Variants in MARVELD3 observed in about 807,000 individuals in gnomAD.
MARVELD3 encodes the protein MARVEL domain containing 3.
MARVELD3 carries 28 observed loss-of-function variants against 33.5 expected under a neutral mutation model. That is an observed-to-expected ratio of 0.84 (90% confidence interval 0.62 to 1.15). The LOEUF is 1.15. Ranked by LOEUF, MARVELD3 falls within the 50% of genes most tolerant of loss-of-function variation. The pLI is 0.00. For synonymous variants in MARVELD3, 241 were observed against 230.4 expected, an observed-to-expected ratio of 1.05 and a Z score of -0.42; for missense variants, 582 against 547.6, an observed-to-expected ratio of 1.06 and a Z score of -0.63.
In MARVELD3 at chr16:71,634,686, T is replaced by C; in HGVS notation, c.1089T>C (p.Ala363=). 6.2e-7 allele frequency: 1 copy of C among 1,614,224 alleles called. No homozygotes were observed. Among genetic ancestry groups the C allele is most frequent in the Non-Finnish European group, 8.5e-7 (1 of 1,180,042 alleles). Residue 363 remains alanine, a synonymous_variant, in exon 3 of 3, where the codon GCT becomes GCC. Transcript: ENST00000268485. Reference sequence around the variant, plus strand: ...GTTTCCACGGAGCAGATATAGGAGCTGGAATCTTTGCTGCCCTGGGCATTG... The same window carrying C: ...GTTTCCACGGAGCAGATATAGGAGCCGGAATCTTTGCTGCCCTGGGCATTG... ...GCSFHGADIG[A]GIFAALGIVV... is the part of the protein sequence containing the mutation.
chr16:71,628,627 A>G (rs560159085), intron 1 of MARVELD3, among the ~76,000 whole-genome samples: 1 of 151,964 alleles, frequency 6.6e-6, no homozygotes. Context: ...GAGGCATGGA[A>G]AAGCAGTCAT....
At chr16:71,627,180 T>C (rs1277407410) in intron 1 of MARVELD3, among the ~76,000 whole-genome samples, 4 of 152,164 alleles carry the variant, frequency 2.6e-5, no homozygotes, top group Non-Finnish European at 5.9e-5. Context: ...AATAGTTTAA[T>C]GTGTTACCCC....
downstream of MARVELD3, chr16:71,640,808 G>C (rs2044612925): frequency 6.2e-7 from 1 of 1,614,136 alleles, no homozygotes; most frequent in African/African-American, 1.3e-5. Context: ...AAACAAGAGA[G>C]AGGCTCTATG....
chr16:71,627,800 G>A (rs1360670714), intron 1 of MARVELD3, among the ~76,000 whole-genome samples: 2 of 152,164 alleles, frequency 1.3e-5, no homozygotes, highest in Non-Finnish European at 2.9e-5. Context: ...AAGACAAGAG[G>A]GGACCTGGTC....
chr16:71,637,398 G>GGT (rs1282871309), downstream of MARVELD3, among the ~76,000 whole-genome samples: 13 of 152,194 alleles, frequency 8.5e-5, no homozygotes, highest in African/African-American at 2.7e-4. Flanking sequence ...GGGAGAGAAA[G>GGT]GTGTAGGGTC....
At position 71,634,293 on chromosome 16, in the gene MARVELD3, G is replaced by C; in HGVS notation, c.696G>C (p.Leu232Phe). 3 of 1,614,160 alleles carry C rather than the reference G, an allele frequency of 1.9e-6. No homozygotes were observed. The highest frequency in any genetic ancestry group is 2.5e-6 in the Non-Finnish European group (3 of 1,180,024). The change falls in exon 3 of 3, where the codon TTG becomes TTC. Residue 232 changes from leucine (L) to phenylalanine (F), a missense_variant. Coordinates refer to ENST00000268485, the MANE Select transcript of MARVELD3 (RefSeq NM_052858.6). ...GGGGCTACACGGGCATCACCAGCTT[G>C]GGGGGCATTTACTACTATCAGTTCG... ...STGGYTGITS[L>F]GGIYYYQFGG...
downstream of MARVELD3, chr16:71,639,158 G>T (rs1017852023): frequency 4.6e-5 from 6 of 131,634 alleles, no homozygotes; most frequent in African/African-American, 1.7e-4. Flanking sequence ...TGCAACCTCT[G>T]CCTTCCGGGT....
At chr16:71,627,614 G>A (rs1298245756) in intron 1 of MARVELD3, among the ~76,000 whole-genome samples, 4 of 152,148 alleles carry the variant, frequency 2.6e-5, no homozygotes, top group Non-Finnish European at 5.9e-5. Context: ...TTTTGCCAGT[G>A]AGGTCTCTCT....
intron 2 of MARVELD3, among the ~76,000 whole-genome samples, chr16:71,630,810 C>T (rs921612136): frequency 9.2e-5 from 14 of 152,010 alleles, no homozygotes; most frequent in South Asian, 6.2e-4. Context: ...TTTTCTATCC[C>T]GTTCATTAAG....
chr16:71,631,615 T>G (rs1597075786), intron 2 of MARVELD3, among the ~76,000 whole-genome samples: 1 of 152,106 alleles, frequency 6.6e-6, no homozygotes, highest in Non-Finnish European at 1.5e-5. Flanking sequence ...GCCCAGCTAA[T>G]TGTTGTATTT....
At chr16:71,641,027 A>G, downstream of MARVELD3, 1 of 1,596,392 alleles carries the variant, frequency 6.3e-7, no homozygotes, top group Non-Finnish European at 8.6e-7. Flanking sequence ...GAACTCTTTG[A>G]GATCTTCCGG....
downstream of MARVELD3, chr16:71,640,926 G>C (rs1596979513): frequency 1.2e-6 from 2 of 1,614,008 alleles, no homozygotes; most frequent in African/African-American, 1.3e-5. Flanking sequence ...CGTGGTGCTG[G>C]CCCTGCGTAG....
Position 71,634,503 on chromosome 16 carries a change from G to T in MARVELD3, c.906G>T (p.Leu302Phe), listed in dbSNP as rs1567605585. The T allele has an allele frequency of 6.2e-7, 1 of 1,614,208 alleles. No individual in the cohort carries two copies. Among genetic ancestry groups the T allele is most frequent in the Non-Finnish European group, 8.5e-7 (1 of 1,180,040 alleles). Residue 302 changes from leucine (L) to phenylalanine (F), a missense_variant, in exon 3 of 3, where the codon TTG becomes TTT. Physicochemically the swap from Leu to Phe is conservative, Grantham distance 22 (BLOSUM62 0). Coordinates refer to ENST00000268485, the MANE Select transcript of MARVELD3 (RefSeq NM_052858.6). ...GGGTCCCGTGGCATTGTCCACTGTT[G>T]CTGGTGACCGAAGGCTTGTTGGACA... ...VLRVPWHCPL[L>F]LVTEGLLDML...
chr16:71,627,467 G>T (rs2044485407), intron 1 of MARVELD3, among the ~76,000 whole-genome samples: 2 of 149,566 alleles, frequency 1.3e-5, no homozygotes, highest in Admixed American at 6.7e-5. Context: ...TCGCACCACT[G>T]CACTCCAGCC....
chr16:71,640,465 C>A (rs777469785), downstream of MARVELD3: 5 of 1,613,994 alleles, frequency 3.1e-6, no homozygotes, highest in Non-Finnish European at 4.2e-6. Flanking sequence ...TTTGTCCTTG[C>A]CGGATTCAGT....
intron 2 of MARVELD3, among the ~76,000 whole-genome samples, chr16:71,630,427 A>G (rs971587960): frequency 2.6e-5 from 4 of 152,134 alleles, no homozygotes; most frequent in African/African-American, 9.7e-5. Context: ...GGAGTTCAAG[A>G]CCAGCCTGAC....
chr16:71,635,425 C>T lies in MARVELD3; in HGVS notation c.*622C>T, dbSNP rs144275428. On this transcript the variant is annotated 3_prime_UTR_variant, in exon 3 of 3. Coordinates refer to ENST00000268485, the MANE Select transcript of MARVELD3 (RefSeq NM_052858.6). ...ACCTCTTCATTCAGTAAAGGGAGGT[C>T]ACCAAGAGAATTTGATGAACCTTAC... 8.1e-6 allele frequency: 8 copies of T among 984,580 alleles called. No homozygotes were observed. The East Asian group carries it at 9.2e-4, about 113-fold the overall frequency. 61.0% of individuals were successfully genotyped at this position (984,580 alleles called of 1,614,324 possible). A position where few individuals can be genotyped will look rare whatever the true frequency, so the allele number is the denominator to read the frequency against.
At chr16:71,628,898 AATG>A (rs2145272684) in intron 1 of MARVELD3, among the ~76,000 whole-genome samples, 1 of 152,294 alleles carries the variant, frequency 6.6e-6, no homozygotes, top group South Asian at 2.1e-4. Context: ...CAGAGGAGGA[AATG>A]ATGTGATGAT....
Position 71,634,959 on chromosome 16 carries a change from G to C in MARVELD3, c.*156G>C. 7.0e-7 allele frequency: 1 copy of C among 1,424,274 alleles called. No individual in the cohort carries two copies. Among genetic ancestry groups the C allele is most frequent in the Non-Finnish European group, 9.2e-7 (1 of 1,091,314 alleles). 88.2% of individuals were successfully genotyped at this position (1,424,274 alleles called of 1,614,324 possible). The stretch of plus-strand genomic sequence containing the variant: ...GCGGAGCTCCCAGTCGCATGGAGCG[G>C]TGTTCATGGATGCAACAGACCCTGG... On this transcript the variant is annotated 3_prime_UTR_variant, in exon 3 of 3. Transcript: ENST00000268485.
Sources: allele counts gnomAD v4.1 joint callset (sites outside exome capture counted in the v4.1 genomes callset), GRCh38; gene constraint gnomAD v4.1.1; transcripts MANE v1.5; gene names NCBI Gene and HGNC (gene_info 2026-07-23, HGNC 2026-07-21).